Variants in ADAMTS18 observed in about 807,000 individuals in gnomAD.
ADAMTS18 encodes the protein A disintegrin and metalloproteinase with thrombospondin motifs 18.
A neutral mutation model predicts 165.9 loss-of-function variants in ADAMTS18; 157 were observed. That is an observed-to-expected ratio of 0.95 (90% CI 0.83 to 1.08). ADAMTS18 has a LOEUF of 1.08. Among genes scored for constraint, ADAMTS18 ranks in the 50% least tolerant of loss-of-function variants. ADAMTS18 has a pLI of 0.00. For missense variants in ADAMTS18, 2,040 were observed against 1,534.0 expected (o/e 1.33, Z -5.51); for synonymous variants, 782 against 578.2 (o/e 1.35, Z -5.06).
intron 17 of ADAMTS18, among the ~76,000 whole-genome samples, chr16:77,299,713 G>A (rs1394844393): frequency 6.6e-6 from 1 of 152,210 alleles, no homozygotes; most frequent in African/African-American, 2.4e-5. Context: ...TACTCACCCA[G>A]TAGATGGTTG....
At chr16:77,284,198 TCACTG>T in intron 22 of ADAMTS18, 127 bp from the exon 23 acceptor site, 1 of 644,256 alleles carries the variant, frequency 1.6e-6, no homozygotes, top group East Asian at 3.0e-5. Flanking sequence ...TGATCTCCGC[TCACTG>T]CAATCTCTGC....
chr16:77,416,076 T>C (rs2057526415), intron 3 of ADAMTS18, among the ~76,000 whole-genome samples: 1 of 151,832 alleles, frequency 6.6e-6, no homozygotes, highest in African/African-American at 2.4e-5. Flanking sequence ...ATAAATAATA[T>C]AAAGAAAATT....
chr16:77,367,761 A>C (rs765737317), intron 3 of ADAMTS18, 38 bp from the exon 4 acceptor site: 8 of 1,613,988 alleles, frequency 5.0e-6, no homozygotes, highest in Non-Finnish European at 5.1e-6. Flanking sequence ...TCATGATTCC[A>C]TGCATCCCTG....
Position 77,369,977 on chromosome 16 carries a change from C to T in ADAMTS18, c.496-2254G>A, listed in dbSNP as rs542323152. Among the ~76,000 whole-genome samples, 8 of 152,150 alleles carry T rather than the reference C, an allele frequency of 5.3e-5. No homozygotes were observed. In the South Asian group the frequency reaches 6.2e-4, roughly 12 times the overall value. On this transcript the variant is annotated intron_variant, in intron 3 of 22. Coordinates refer to ENST00000282849, the MANE Select transcript of ADAMTS18 (RefSeq NM_199355.4). Reference sequence around the variant, plus strand: ...TATATCACATTAACAGAATCAACAACGAAAAACATAATTTTAATAGATGCA... The same window carrying T: ...TATATCACATTAACAGAATCAACAATGAAAAACATAATTTTAATAGATGCA...
At chr16:77,285,778 C>T (rs1239011858) in intron 22 of ADAMTS18, among the ~76,000 whole-genome samples, 1 of 152,146 alleles carries the variant, frequency 6.6e-6, no homozygotes, top group Non-Finnish European at 1.5e-5. Context: ...GCTTCACGTT[C>T]TCCATGCAAT....
chr16:77,364,026 A>G, intron 5 of ADAMTS18, 141 bp from the exon 6 acceptor site: 2 of 1,263,336 alleles, frequency 1.6e-6, no homozygotes, highest in Non-Finnish European at 1.1e-6. Context: ...TCAAAACTCA[A>G]CTTAAAAAAA....
In ADAMTS18 at chr16:77,388,171, C is replaced by G. The variant is rs191239575; in HGVS notation, c.496-20448G>C. On this transcript the variant is annotated intron_variant, in intron 3 of 22. Transcript: ENST00000282849. ...CTGGAGTGCAGTGGCACCATCTCAG[C>G]TCACTGCAACCTCCGCCTCCTGGGT... Among the ~76,000 whole-genome samples, 166 of 152,330 alleles carry G rather than the reference C, an allele frequency of 1.1e-3. 1 individual carries two copies. Among genetic ancestry groups the G allele is most frequent in the African/African-American group, 3.7e-3 (152 of 41,586 alleles).
intron 2 of ADAMTS18, chr16:77,431,877 C>T (rs763958394): frequency 1.9e-6 from 1 of 529,512 alleles, no homozygotes; most frequent in Non-Finnish European, 3.4e-6. Flanking sequence ...AATGTAACAC[C>T]TCTCATTGTC....
Position 77,289,407 on chromosome 16 carries a change from G to A in ADAMTS18, c.3407C>T (p.Thr1136Ile), listed in dbSNP as rs750448905. 10 of 1,614,006 alleles carry A rather than the reference G, an allele frequency of 6.2e-6. No individual in the cohort carries two copies. The highest frequency in any genetic ancestry group is 7.6e-6 in the Non-Finnish European group (9 of 1,179,954). Residue 1136 changes from threonine (T) to isoleucine (I), a missense_variant, in exon 22 of 23, where the codon ACA becomes ATA. Physicochemically the swap from Thr to Ile is moderately conservative, Grantham distance 89. Coordinates refer to ENST00000282849, the MANE Select transcript of ADAMTS18 (RefSeq NM_199355.4). ...CTGGACCCCTCCCCCACAGGTGACT[G>A]TGCACTGCAGCAGAGAGAAGAGGAA... ...GWYSLPWQQCTVTCGGGVQTR... is the reference protein window; with the variant it reads ...GWYSLPWQQCIVTCGGGVQTR...
chr16:77,364,477 T>C, intron 4 of ADAMTS18, 96 bp from the exon 5 acceptor site: 1 of 1,365,018 alleles, frequency 7.3e-7, no homozygotes, highest in Non-Finnish European at 1.0e-6. Flanking sequence ...AGAGAAACTA[T>C]GTAACCAACA....
At position 77,362,092 on chromosome 16, in the gene ADAMTS18, G is replaced by C. The variant is rs2056723599; in HGVS notation, c.1216+13C>G. The C allele has an allele frequency of 1.9e-6, 3 of 1,613,750 alleles. No individual in the cohort carries two copies. In the Admixed American group the frequency reaches 5.0e-5, roughly 27 times the overall value. Reference sequence around the variant, plus strand: ...GCTAACAGGTGTGTGTGAAGGATCTGTTCATACCATACCTAGAGTGTCACA... The same window carrying C: ...GCTAACAGGTGTGTGTGAAGGATCTCTTCATACCATACCTAGAGTGTCACA... On this transcript the variant is annotated intron_variant, in intron 7 of 22. Coordinates refer to ENST00000282849, the MANE Select transcript of ADAMTS18 (RefSeq NM_199355.4).
intron 16 of ADAMTS18, among the ~76,000 whole-genome samples, chr16:77,309,091 G>C (rs1347532779): frequency 6.6e-6 from 1 of 152,062 alleles, no homozygotes; most frequent in African/African-American, 2.4e-5. Context: ...TTATGTTGTA[G>C]AAAATAAGTT....
rs2055366280 is a variant in ADAMTS18, at chr16:77,291,602, A to C, written c.3190-124T>G. 3.1e-6 allele frequency: 3 copies of C among 964,412 alleles called. No homozygotes were observed. In the South Asian group the frequency reaches 3.9e-5, roughly 12 times the overall value. The allele number at this position is 964,412 out of a possible 1,614,324, so 59.7% of individuals were successfully genotyped here. A position where few individuals can be genotyped will look rare whatever the true frequency, so the allele number is the denominator to read the frequency against. On this transcript the variant is annotated intron_variant, in intron 20 of 22. Transcript: ENST00000282849. ...AGGAGGGATGGGATTACACAAGGTC[A>C]ACCACACTCACTCGAGGATCTTACA... is the stretch of plus-strand genomic sequence containing the variant.
chr16:77,289,576 A>C, intron 21 of ADAMTS18, 165 bp from the exon 22 acceptor site: 1 of 765,770 alleles, frequency 1.3e-6, no homozygotes, highest in Non-Finnish European at 2.1e-6. Flanking sequence ...CTATCCTAAC[A>C]AGTGTGATCC....
intron 12 of ADAMTS18, among the ~76,000 whole-genome samples, chr16:77,329,302 T>G (rs2056149114): frequency 6.6e-6 from 1 of 152,062 alleles, no homozygotes; most frequent in African/African-American, 2.4e-5. Flanking sequence ...GATGAGGGGC[T>G]GTGTTGCCCA....
chr16:77,426,578 T>C (rs556477262), intron 3 of ADAMTS18, among the ~76,000 whole-genome samples: 2 of 152,340 alleles, frequency 1.3e-5, no homozygotes, highest in South Asian at 4.1e-4. Flanking sequence ...ACAATAAAAA[T>C]AGCAGTTGCC....
chr16:77,384,411 G>C (rs541573293), intron 3 of ADAMTS18, among the ~76,000 whole-genome samples: 1 of 152,280 alleles, frequency 6.6e-6, no homozygotes, highest in South Asian at 2.1e-4. Context: ...GCAAAGCAGA[G>C]TTGATGTTGT....
intron 2 of ADAMTS18, among the ~76,000 whole-genome samples, chr16:77,432,983 T>C (rs2057756269): frequency 6.6e-6 from 1 of 152,156 alleles, no homozygotes; most frequent in Non-Finnish European, 1.5e-5. Flanking sequence ...ACTCCCTCCT[T>C]TAACTAAAAA....
At chr16:77,414,440 C>G (rs956331984) in intron 3 of ADAMTS18, among the ~76,000 whole-genome samples, 1 of 151,956 alleles carries the variant, frequency 6.6e-6, no homozygotes, top group Non-Finnish European at 1.5e-5. Context: ...TAATTTTTGC[C>G]GATTATTATT....
Sources: allele counts gnomAD v4.1 joint callset (sites outside exome capture counted in the v4.1 genomes callset), GRCh38; gene constraint gnomAD v4.1.1; transcripts MANE v1.5; gene names NCBI Gene and HGNC (gene_info 2026-07-23, HGNC 2026-07-21).